Variants in GRM7 observed in about 807,000 individuals in gnomAD.
GRM7 encodes the protein glutamate metabotropic receptor 7, also known as metabotropic glutamate receptor 7.
In GRM7, 35 loss-of-function variants were observed where a neutral mutation model predicts 84.5. The observed-to-expected ratio is 0.41, with a 90% CI of 0.32 to 0.55. The LOEUF is 0.55. Among genes scored for constraint, GRM7 ranks in the 20% least tolerant of loss-of-function variants. The pLI is 0.19. For synonymous variants in GRM7, 487 were observed against 455.1 expected (o/e 1.07, Z -0.89); for missense variants, 1,003 against 1,194.6 (o/e 0.84, Z 2.36).
At chr3:7,016,302 T>G (rs979052026) in intron 1 of GRM7, among the ~76,000 whole-genome samples, 1 of 152,200 alleles carries the variant, frequency 6.6e-6, no homozygotes, top group Non-Finnish European at 1.5e-5. Flanking sequence ...CAATGAGTAT[T>G]GCCACAGAAG....
chr3:6,990,753 T>TC (rs1447364151), intron 1 of GRM7, among the ~76,000 whole-genome samples: 3 of 152,210 alleles, frequency 2.0e-5, no homozygotes, highest in African/African-American at 7.2e-5. Flanking sequence ...TGCTTATTTC[T>TC]CCCCAACATT....
intron 8 of GRM7, among the ~76,000 whole-genome samples, chr3:7,587,723 G>T (rs1559422525): frequency 6.6e-6 from 1 of 152,092 alleles, no homozygotes; most frequent in East Asian, 1.9e-4. Context: ...TTTTACCCTG[G>T]GAAGATAGGC....
At chr3:7,583,509 C>G (rs1341151826) in intron 8 of GRM7, among the ~76,000 whole-genome samples, 1 of 152,218 alleles carries the variant, frequency 6.6e-6, no homozygotes, top group Non-Finnish European at 1.5e-5. Context: ...ACTATTAACA[C>G]ATCAGAACTG....
intron 1 of GRM7, among the ~76,000 whole-genome samples, chr3:6,921,862 C>A (rs1193920310): frequency 2.0e-5 from 3 of 152,138 alleles, no homozygotes; most frequent in Admixed American, 2.0e-4. Flanking sequence ...GAACACAGGA[C>A]AAGCCTAAGC....
At chr3:6,953,767 C>T (rs1420951650) in intron 1 of GRM7, among the ~76,000 whole-genome samples, 2 of 152,126 alleles carry the variant, frequency 1.3e-5, no homozygotes, top group Non-Finnish European at 2.9e-5. Flanking sequence ...TGCTTGGCTC[C>T]CTTTCAGCCA....
intron 4 of GRM7, among the ~76,000 whole-genome samples, chr3:7,341,261 T>G (rs769833213): frequency 1.9e-4 from 29 of 152,090 alleles, no homozygotes; most frequent in Non-Finnish European, 7.4e-5. Context: ...AGGATGAAAA[T>G]TCAACAAATG....
At chr3:7,173,687 A>T (rs1163540044) in intron 2 of GRM7, among the ~76,000 whole-genome samples, 1 of 151,964 alleles carries the variant, frequency 6.6e-6, no homozygotes, top group African/African-American at 2.4e-5. Flanking sequence ...CTTCTGCCTA[A>T]AATACTCTCC....
intron 4 of GRM7, among the ~76,000 whole-genome samples, chr3:7,409,578 GTTTTGT>G (rs925335585): frequency 4.8e-4 from 5 of 10,394 alleles, no homozygotes; most frequent in African/African-American, 1.7e-3. Flanking sequence ...TTTTGTGTTT[GTTTTGT>G]TTTGTTTTGT....
chr3:7,714,837 G>A (rs545423823), intron 9 of GRM7, among the ~76,000 whole-genome samples: 157 of 152,316 alleles, frequency 1.0e-3, no homozygotes, highest in Non-Finnish European at 2.0e-3. Context: ...TGGTGCAACA[G>A]TGTTGAACTG....
intron 7 of GRM7, among the ~76,000 whole-genome samples, chr3:7,528,854 T>C (rs1318378656): frequency 6.6e-6 from 1 of 152,118 alleles, no homozygotes; most frequent in African/African-American, 2.4e-5. Flanking sequence ...TGATTTCTAT[T>C]TTTATTCCAC....
chr3:7,362,118 AAG>A (rs1693689129), intron 4 of GRM7, among the ~76,000 whole-genome samples: 1 of 152,092 alleles, frequency 6.6e-6, no homozygotes, highest in Non-Finnish European at 1.5e-5. Flanking sequence ...ACCAGAAATG[AAG>A]AGTTATGTCA....
At chr3:7,319,231 G>A (rs1700687313) in intron 4 of GRM7, among the ~76,000 whole-genome samples, 1 of 152,086 alleles carries the variant, frequency 6.6e-6, no homozygotes, top group Non-Finnish European at 1.5e-5. Context: ...CCAGTAGATA[G>A]AGGGTGCATT....
At chr3:7,087,836 A>G (rs894841245) in intron 1 of GRM7, among the ~76,000 whole-genome samples, 62 of 152,350 alleles carry the variant, frequency 4.1e-4, no homozygotes, top group African/African-American at 1.4e-3. Flanking sequence ...AAGTCATTAT[A>G]TAGATGTGTA....
intron 1 of GRM7, among the ~76,000 whole-genome samples, chr3:6,997,505 AT>A (rs1464126794): frequency 6.6e-6 from 1 of 152,176 alleles, no homozygotes; most frequent in African/African-American, 2.4e-5. Context: ...TTATAAAGCC[AT>A]CAGATCTTGT....
At chr3:7,478,002 AT>A (rs1404650626) in intron 7 of GRM7, among the ~76,000 whole-genome samples, 4 of 152,160 alleles carry the variant, frequency 2.6e-5, no homozygotes, top group African/African-American at 9.7e-5. Flanking sequence ...AGATAACTTT[AT>A]CAATGTGAGT....
intron 2 of GRM7, among the ~76,000 whole-genome samples, chr3:7,234,051 T>A (rs1575063529): frequency 1.3e-5 from 2 of 152,286 alleles, no homozygotes; most frequent in Non-Finnish European, 2.9e-5. Flanking sequence ...TTTAATGTTT[T>A]TAATATAGCT....
intron 1 of GRM7, among the ~76,000 whole-genome samples, chr3:7,051,340 T>C (rs574182235): frequency 1.3e-5 from 2 of 151,848 alleles, no homozygotes; most frequent in South Asian, 4.1e-4. Context: ...GTCTAATGAC[T>C]AGAAGAATAA....
chr3:7,089,093 T>C (rs1238204784), intron 1 of GRM7, among the ~76,000 whole-genome samples: 1 of 152,194 alleles, frequency 6.6e-6, no homozygotes, highest in African/African-American at 2.4e-5. Context: ...TGTTTTCTAA[T>C]CATTTTTGTT....
intron 7 of GRM7, among the ~76,000 whole-genome samples, chr3:7,507,943 T>C (rs750697629): frequency 2.6e-4 from 39 of 152,302 alleles, no homozygotes; most frequent in Middle Eastern, 3.4e-3. Flanking sequence ...AGTTTTTTCT[T>C]TGGGCAATCA....
Sources: gnomAD v4.1 joint callset for allele counts (sites outside exome capture counted in the v4.1 genomes callset) on GRCh38, gnomAD v4.1.1 for gene constraint, MANE v1.5 for transcripts, NCBI Gene and HGNC (gene_info 2026-07-23, HGNC 2026-07-21) for gene names.